The following NAALADL2 variants were observed in gnomAD, a reference collection of about 807,000 sequenced individuals.
The protein encoded by NAALADL2 is N-acetylated alpha-linked acidic dipeptidase like 2.
Under a neutral mutation model 87.2 loss-of-function variants are expected in NAALADL2, and 76 were observed. That is an observed-to-expected ratio of 0.87 (90% confidence interval 0.72 to 1.05). The LOEUF (loss-of-function observed/expected upper bound fraction) is 1.05, where lower values mean the gene tolerates loss of function less well. Ranked by LOEUF, NAALADL2 falls within the 50% of genes least tolerant of loss-of-function variation. The pLI, the probability that NAALADL2 is intolerant of heterozygous loss-of-function variation, is 0.00. For missense variants in NAALADL2, 1,089 were observed against 945.8 expected, an observed-to-expected ratio of 1.15 and a Z score of -1.99; for synonymous variants, 354 against 331.0, an observed-to-expected ratio of 1.07 and a Z score of -0.75.
Position 175,527,301 on chromosome 3 carries a change from T to C in NAALADL2, c.1654-48740T>C, listed in dbSNP as rs962737195. 7.9e-5 allele frequency among the ~76,000 whole-genome samples: 12 copies of C among 152,314 alleles called. No individual in the cohort carries two copies. In the South Asian group the frequency reaches 1.4e-3, roughly 18 times the overall value. The stretch of plus-strand genomic sequence containing the variant: ...CTGATGAGGCCCTTCAACACAACAT[T>C]GTAGCTATAGACGGATAGTAAAGTT... On this transcript the variant is annotated intron_variant, in intron 9 of 13. Transcript: ENST00000454872.
At chr3:174,697,818 G>A (rs529548890) in intron 2 of NAALADL2, among the ~76,000 whole-genome samples, 194 of 152,224 alleles carry the variant, frequency 1.3e-3, no homozygotes, top group African/African-American at 4.2e-3. Flanking sequence ...ATGGCTGGAC[G>A]CGGTGGCTCA....
chr3:174,680,700 T>C (rs1727455841), intron 2 of NAALADL2, among the ~76,000 whole-genome samples: 1 of 152,198 alleles, frequency 6.6e-6, no homozygotes. Context: ...TTTTGTGCCA[T>C]ATTCAAGATT....
In NAALADL2 at chr3:175,497,808, C is replaced by T. The variant is rs143003109; in HGVS notation, c.1653+26050C>T. Among the ~76,000 whole-genome samples the T allele has an allele frequency of 6.9e-3, 1,044 of 152,174 alleles. 10 individuals carry two copies. Among genetic ancestry groups the T allele is most frequent in the South Asian group, 0.024 (116 of 4,822 alleles). ...TTGTAATATAGGTGCTGGAGTCAAA[C>T]AGCATGAGTACAAATCATAACTAAG... On this transcript the variant is annotated intron_variant, in intron 9 of 13. Coordinates refer to ENST00000454872, the MANE Select transcript of NAALADL2 (RefSeq NM_207015.3).
At chr3:175,477,334 A>T (rs1445979875) in intron 9 of NAALADL2, among the ~76,000 whole-genome samples, 4 of 152,184 alleles carry the variant, frequency 2.6e-5, no homozygotes, top group Non-Finnish European at 5.9e-5. Context: ...TATTGACTGC[A>T]TTAACACGTC....
At chr3:175,133,215 A>G (rs987480648) in intron 2 of NAALADL2, among the ~76,000 whole-genome samples, 20 of 150,254 alleles carry the variant, frequency 1.3e-4, no homozygotes, top group African/African-American at 3.9e-4. Context: ...GCGGCCGGGC[A>G]GAGACGCTCC....
chr3:175,802,977 C>T, intron 13 of NAALADL2, 28 bp from the exon 14 acceptor site: 3 of 1,499,022 alleles, frequency 2.0e-6, no homozygotes, highest in Non-Finnish European at 2.8e-6. Flanking sequence ...GTGCATGAAA[C>T]ATTTATACAT....
chr3:175,052,319 C>G (rs1755511190), intron 1 of NAALADL2, among the ~76,000 whole-genome samples: 1 of 152,200 alleles, frequency 6.6e-6, no homozygotes, highest in Non-Finnish European at 1.5e-5. Flanking sequence ...ATGAACATGT[C>G]ACAGTGCTGC....
intron 1 of NAALADL2, among the ~76,000 whole-genome samples, chr3:175,090,191 AT>A (rs1719827006): frequency 1.3e-5 from 2 of 152,082 alleles, no homozygotes; most frequent in African/African-American, 4.8e-5. Context: ...AACAGGAATT[AT>A]TTACACACCC....
chr3:175,610,978 T>C (rs534642346), intron 10 of NAALADL2, among the ~76,000 whole-genome samples: 17 of 152,156 alleles, frequency 1.1e-4, no homozygotes, highest in African/African-American at 3.9e-4. Context: ...GAAGGTGATA[T>C]CAAGATCCCA....
intron 2 of NAALADL2, among the ~76,000 whole-genome samples, chr3:175,158,353 C>A (rs1732627475): frequency 6.6e-6 from 1 of 152,044 alleles, no homozygotes; most frequent in Non-Finnish European, 1.5e-5. Context: ...TATAATATGC[C>A]ATTTAGCACG....
intron 5 of NAALADL2, among the ~76,000 whole-genome samples, chr3:175,334,001 A>G (rs1761705609): frequency 6.6e-6 from 1 of 152,166 alleles, no homozygotes; most frequent in Admixed American, 6.5e-5. Context: ...ATTGTCCAAT[A>G]TTTTGACATC....
At chr3:175,679,089 A>G (rs1256458603) in intron 11 of NAALADL2, among the ~76,000 whole-genome samples, 1 of 152,030 alleles carries the variant, frequency 6.6e-6, no homozygotes, top group East Asian at 1.9e-4. Context: ...TTGAGCCAGG[A>G]TGAGCCAGGA....
chr3:175,420,490 T>A (rs1005387808), intron 5 of NAALADL2, among the ~76,000 whole-genome samples: 3 of 152,050 alleles, frequency 2.0e-5, no homozygotes, highest in Non-Finnish European at 4.4e-5. Context: ...AGGTCAACAT[T>A]TATTTCAATT....
chr3:174,459,908 T>C (rs1054166862), intron 1 of NAALADL2: 3 of 152,176 alleles, frequency 2.0e-5, no homozygotes, highest in Non-Finnish European at 2.9e-5. Flanking sequence ...AAACATTAGC[T>C]GGAAACATTC....
intron 2 of NAALADL2, among the ~76,000 whole-genome samples, chr3:175,100,120 C>T (rs948190368): frequency 2.0e-5 from 3 of 151,864 alleles, no homozygotes; most frequent in African/African-American, 7.3e-5. Flanking sequence ...CAACTTATAT[C>T]AAAACCAGGT....
intron 1 of NAALADL2, among the ~76,000 whole-genome samples, chr3:175,021,106 C>T (rs1278619269): frequency 1.3e-5 from 2 of 151,972 alleles, no homozygotes; most frequent in Non-Finnish European, 2.9e-5. Context: ...GATGGTATGT[C>T]AGAATTCCCT....
intron 3 of NAALADL2, among the ~76,000 whole-genome samples, chr3:174,756,752 C>T (rs1712135623): frequency 6.6e-6 from 1 of 152,170 alleles, no homozygotes; most frequent in Admixed American, 6.5e-5. Context: ...ACTTGATTTG[C>T]TCTGATTCCT....
intron 9 of NAALADL2, among the ~76,000 whole-genome samples, chr3:175,517,248 C>T (rs942115775): frequency 6.6e-6 from 1 of 152,112 alleles, no homozygotes; most frequent in African/African-American, 2.4e-5. Context: ...AAACATTTCA[C>T]AGTGGCTTTT....
chr3:174,912,665 A>G (rs1733860012), intron 1 of NAALADL2, among the ~76,000 whole-genome samples: 1 of 152,164 alleles, frequency 6.6e-6, no homozygotes, highest in Admixed American at 6.6e-5. Flanking sequence ...GTTCCTAAGA[A>G]TGAAGCACAG....
Sources: gnomAD v4.1 joint callset for allele counts (sites outside exome capture counted in the v4.1 genomes callset) on GRCh38, gnomAD v4.1.1 for gene constraint, MANE v1.5 for transcripts, NCBI Gene and HGNC (gene_info 2026-07-23, HGNC 2026-07-21) for gene names.